WSCD2: variants seen among roughly 807,000 people sequenced by gnomAD.
WSCD2 encodes WSC domain sialate O sulfotransferase 2.
In WSCD2, 28 loss-of-function variants were observed where a neutral mutation model predicts 55.7. The ratio of observed to expected loss-of-function variants is 0.50; its 90% CI spans 0.37 to 0.69. The LOEUF (loss-of-function observed/expected upper bound fraction) is 0.69. Ranked by LOEUF, WSCD2 falls within the 30% of genes least tolerant of loss-of-function variation. WSCD2 has a pLI of 0.00. For synonymous variants in WSCD2, 301 were observed against 301.9 expected, an observed-to-expected ratio of 1.00 and a Z score of 0.03; for missense variants, 616 against 762.1, an observed-to-expected ratio of 0.81 and a Z score of 2.26.
chr12:108,184,936 A>G (rs1592960226), intron 1 of WSCD2, among the ~76,000 whole-genome samples: 1 of 152,164 alleles, frequency 6.6e-6, no homozygotes, highest in East Asian at 1.9e-4. Context: ...AAGCTGAGTG[A>G]CCTGAGAGTG....
At chr12:108,222,426 G>A (rs1449949669) in intron 4 of WSCD2, among the ~76,000 whole-genome samples, 1 of 152,182 alleles carries the variant, frequency 6.6e-6, no homozygotes, top group Non-Finnish European at 1.5e-5. Flanking sequence ...TTTCAAGAAG[G>A]TGAGATGAGC....
chr12:108,211,642 TATATATATAC>T (rs1470292241), intron 4 of WSCD2, among the ~76,000 whole-genome samples: 2 of 146,628 alleles, frequency 1.4e-5, no homozygotes, highest in Non-Finnish European at 3.0e-5. Context: ...TATATATATA[TATATATATAC>T]ATATATATAT....
intron 4 of WSCD2, among the ~76,000 whole-genome samples, chr12:108,220,389 GT>G (rs1162222677): frequency 6.6e-6 from 1 of 152,210 alleles, no homozygotes; most frequent in Non-Finnish European, 1.5e-5. Context: ...TGAGCCTTGA[GT>G]TTCCTCATCT....
At chr12:108,192,209 A>C (rs574446722) in intron 1 of WSCD2, among the ~76,000 whole-genome samples, 1 of 152,316 alleles carries the variant, frequency 6.6e-6, no homozygotes, top group South Asian at 2.1e-4. Flanking sequence ...TCTCCTATGC[A>C]TCAGGTATTC....
At chr12:108,186,311 C>G (rs1882488558) in intron 1 of WSCD2, among the ~76,000 whole-genome samples, 1 of 152,148 alleles carries the variant, frequency 6.6e-6, no homozygotes, top group African/African-American at 2.4e-5. Flanking sequence ...ATCAACATCC[C>G]GCACCAGAGT....
intron 1 of WSCD2, among the ~76,000 whole-genome samples, chr12:108,190,120 G>A (rs908387180): frequency 3.3e-5 from 5 of 152,186 alleles, no homozygotes; most frequent in Admixed American, 2.6e-4. Context: ...GTTCAAAGAA[G>A]TTAATGACCA....
At chr12:108,194,266 G>A (rs1025978435) in intron 1 of WSCD2, among the ~76,000 whole-genome samples, 1 of 152,166 alleles carries the variant, frequency 6.6e-6, no homozygotes, top group Non-Finnish European at 1.5e-5. Context: ...AGGCTCTCAG[G>A]TGATTCTGAA....
At chr12:108,234,226 A>G (rs1889067429) in intron 7 of WSCD2, among the ~76,000 whole-genome samples, 1 of 152,256 alleles carries the variant, frequency 6.6e-6, no homozygotes, top group Non-Finnish European at 1.5e-5. Context: ...CGTCGTCAAT[A>G]AAAGTTGGCT....
At chr12:108,161,425 C>T (rs61939470) in intron 1 of WSCD2, among the ~76,000 whole-genome samples, 1 of 152,256 alleles carries the variant, frequency 6.6e-6, no homozygotes, top group East Asian at 1.9e-4. Context: ...AAAATTTGGA[C>T]ACAGACTTGA....
intron 7 of WSCD2, among the ~76,000 whole-genome samples, chr12:108,233,780 A>G (rs1307064775): frequency 6.6e-6 from 1 of 152,248 alleles, no homozygotes; most frequent in African/African-American, 2.4e-5. Flanking sequence ...GAAATCATGG[A>G]TGAAATGCCC....
chr12:108,178,112 C>T (rs1215354650), intron 1 of WSCD2, among the ~76,000 whole-genome samples: 2 of 152,144 alleles, frequency 1.3e-5, no homozygotes, highest in Non-Finnish European at 2.9e-5. Flanking sequence ...TCTCACAGTT[C>T]TGGAAGCTGG....
At chr12:108,162,530 A>T (rs1333044123) in intron 1 of WSCD2, among the ~76,000 whole-genome samples, 1 of 152,190 alleles carries the variant, frequency 6.6e-6, no homozygotes, top group East Asian at 1.9e-4. Flanking sequence ...GAAAGAAAAA[A>T]ATCTATTTCT....
In WSCD2 at chr12:108,240,483, G is replaced by C. The variant is rs778020802; in HGVS notation, c.1284G>C (p.Glu428Asp). 41 of 1,612,054 alleles carry C rather than the reference G, an allele frequency of 2.5e-5. No homozygotes were observed. Among genetic ancestry groups the C allele is most frequent in the Non-Finnish European group, 3.3e-5 (39 of 1,179,064 alleles). The change falls in exon 8 of 9, where the codon GAG becomes GAC. Residue 428 changes from glutamate to aspartate, a missense_variant. Transcript: ENST00000547525. The stretch of plus-strand genomic sequence containing the variant: ...ACCCCTACAAAGCCCTCATGGCTGA[G>C]TTCAACCGCAAGTACGGCGGCCACA... ...IRNPYKALMAEFNRKYGGHIG... is the reference protein window; with the variant it reads ...IRNPYKALMADFNRKYGGHIG...
At chr12:108,188,264 T>G (rs754006618) in intron 1 of WSCD2, among the ~76,000 whole-genome samples, 2 of 151,694 alleles carry the variant, frequency 1.3e-5, no homozygotes, top group African/African-American at 2.4e-5. Flanking sequence ...GGAGGTGGGG[T>G]GAGCAAGTGT....
At chr12:108,187,365 T>G (rs1453742349) in intron 1 of WSCD2, among the ~76,000 whole-genome samples, 1 of 152,202 alleles carries the variant, frequency 6.6e-6, no homozygotes, top group Non-Finnish European at 1.5e-5. Context: ...GGTATTGTCA[T>G]GAGAAGAGGT....
At chr12:108,201,716 C>A (rs907823508) in intron 2 of WSCD2, among the ~76,000 whole-genome samples, 4 of 152,214 alleles carry the variant, frequency 2.6e-5, no homozygotes, top group African/African-American at 9.6e-5. Context: ...ATTCGTGAAT[C>A]TGTTCACAAA....
At chr12:108,221,488 G>A (rs889775795) in intron 4 of WSCD2, among the ~76,000 whole-genome samples, 32 of 152,146 alleles carry the variant, frequency 2.1e-4, no homozygotes, top group African/African-American at 7.5e-4. Flanking sequence ...CCCAGGAGGT[G>A]CAGGTTGCAG....
chr12:108,196,406 C>A, intron 2 of WSCD2, 192 bp downstream of exon 2: 1 of 949,598 alleles, frequency 1.1e-6, no homozygotes, highest in Non-Finnish European at 1.5e-6. Flanking sequence ...GATGAAGCGG[C>A]TTGCCCAAGG....
intron 2 of WSCD2, among the ~76,000 whole-genome samples, chr12:108,198,613 CTACT>C (rs1884261531): frequency 1.3e-5 from 2 of 152,166 alleles, no homozygotes; most frequent in Non-Finnish European, 2.9e-5. Flanking sequence ...TCTTGAGTAC[CTACT>C]TCACACCAAC....
Sources: gnomAD v4.1 joint callset for allele counts (sites outside exome capture counted in the v4.1 genomes callset) on GRCh38, gnomAD v4.1.1 for gene constraint, MANE v1.5 for transcripts, NCBI Gene and HGNC (gene_info 2026-07-23, HGNC 2026-07-21) for gene names.